The following INPP4B variants were observed in gnomAD, a reference collection of about 807,000 sequenced individuals.
INPP4B encodes the protein inositol polyphosphate 4-phosphatase type II.
In INPP4B, 55 loss-of-function variants were observed where a neutral mutation model predicts 122.5. That is an observed-to-expected ratio of 0.45 (90% confidence interval 0.36 to 0.56). INPP4B has a LOEUF of 0.56. Ranked by LOEUF, INPP4B falls within the 20% of genes least tolerant of loss-of-function variation. The pLI, the probability that INPP4B is intolerant of heterozygous loss-of-function variation, is 0.00. For synonymous variants in INPP4B, 403 were observed against 388.7 expected (o/e 1.04, Z -0.43); for missense variants, 1,000 against 1,097.7 (o/e 0.91, Z 1.26).
rs188644840 is a variant in INPP4B at position 142,362,158 on chromosome 4, T to A, written c.372+40780A>T. On this transcript the variant is annotated intron_variant, in intron 7 of 25. Transcript: ENST00000262992. ...GTCTAAGTTGACAATAAAACTCTCA[T>A]GAGGGTGCGTGGGTGGGAGCCAACT... Among the ~76,000 whole-genome samples, 4 of 152,128 alleles carry A rather than the reference T, an allele frequency of 2.6e-5. No homozygotes were observed. In the East Asian group the frequency reaches 5.8e-4, roughly 22 times the overall value.
At chr4:142,206,801 A>G (rs1047391364) in intron 14 of INPP4B, among the ~76,000 whole-genome samples, 22 of 152,072 alleles carry the variant, frequency 1.4e-4, no homozygotes, top group African/African-American at 5.1e-4. Flanking sequence ...GTGTATGTGT[A>G]TAAGAACACT....
At chr4:142,682,993 ATG>A (rs1027759123) in intron 2 of INPP4B, among the ~76,000 whole-genome samples, 213 of 151,984 alleles carry the variant, frequency 1.4e-3, no homozygotes, top group African/African-American at 5.0e-3. Context: ...TCTCAAAAAG[ATG>A]TGTCTCTTAG....
intron 2 of INPP4B, among the ~76,000 whole-genome samples, chr4:142,716,741 A>T (rs1763823225): frequency 1.3e-5 from 2 of 152,224 alleles, no homozygotes; most frequent in African/African-American, 4.8e-5. Flanking sequence ...TTTCATATGT[A>T]GGATGGATTT....
intron 2 of INPP4B, among the ~76,000 whole-genome samples, chr4:142,465,194 T>C (rs1350927111): frequency 3.3e-5 from 5 of 152,202 alleles, no homozygotes; most frequent in Admixed American, 2.0e-4. Context: ...CAAAAGTTTA[T>C]GATGCAGAAA....
chr4:142,803,495 A>C (rs1044811899), intron 1 of INPP4B, among the ~76,000 whole-genome samples: 28 of 150,936 alleles, frequency 1.9e-4, no homozygotes, highest in Admixed American at 9.9e-4. Context: ...CATTTTTTTC[A>C]TAAAAGAGGG....
intron 23 of INPP4B, among the ~76,000 whole-genome samples, chr4:142,106,258 G>A (rs529697179): frequency 3.8e-4 from 58 of 152,214 alleles, no homozygotes; most frequent in Middle Eastern, 3.4e-3. Flanking sequence ...TATTTAATTG[G>A]CAATATATAG....
In INPP4B at chr4:142,023,433, C is replaced by G; in HGVS notation, c.*5349G>C. Reference sequence around the variant, plus strand: ...TAAATAAAATTATAAAATATCCACACGAGAAGTATGTGTATACAAAGTATT... The same window carrying G: ...TAAATAAAATTATAAAATATCCACAGGAGAAGTATGTGTATACAAAGTATT... On this transcript the variant is annotated 3_prime_UTR_variant, in exon 26 of 26. Transcript: ENST00000262992. 6.6e-6 allele frequency: 1 copy of G among 152,100 alleles called. No homozygotes were observed. Among genetic ancestry groups the G allele is most frequent in the South Asian group, 2.1e-4 (1 of 4,818 alleles). The allele number at this position is 152,100 out of a possible 1,614,324, so 9.4% of individuals were successfully genotyped here.
intron 1 of INPP4B, among the ~76,000 whole-genome samples, chr4:142,832,355 C>T (rs776364559): frequency 6.6e-6 from 1 of 152,018 alleles, no homozygotes; most frequent in Non-Finnish European, 1.5e-5. Flanking sequence ...TTTCCAATTC[C>T]TGGGCAATTT....
rs889523941 is a variant in INPP4B, at chr4:142,026,890, G to A, written c.*1892C>T. 5 of 152,112 alleles carry A rather than the reference G, an allele frequency of 3.3e-5. No homozygotes were observed. The highest frequency in any genetic ancestry group is 1.2e-4 in the African/African-American group (5 of 41,446). The allele number at this position is 152,112 out of a possible 1,614,324, so 9.4% of individuals were successfully genotyped here. Reference sequence around the variant, plus strand: ...ATTTACAGAATGATAAATTACTTAAGGTTTCTTAGAACTCAGACTACCATT... The same window carrying A: ...ATTTACAGAATGATAAATTACTTAAAGTTTCTTAGAACTCAGACTACCATT... On this transcript the variant is annotated 3_prime_UTR_variant, in exon 26 of 26. Transcript: ENST00000262992.
intron 3 of INPP4B, among the ~76,000 whole-genome samples, chr4:142,444,253 T>C (rs115491753): frequency 6.6e-6 from 1 of 152,180 alleles, no homozygotes; most frequent in Non-Finnish European, 1.5e-5. Flanking sequence ...TTGTAGATTT[T>C]TGACAGTAGA....
intron 2 of INPP4B, among the ~76,000 whole-genome samples, chr4:142,707,191 C>T (rs184977786): frequency 6.6e-6 from 1 of 152,300 alleles, no homozygotes; most frequent in Non-Finnish European, 1.5e-5. Flanking sequence ...GATCCTAATT[C>T]ATATAGAAAC....
At chr4:142,561,951 T>A (rs1730564458) in intron 2 of INPP4B, among the ~76,000 whole-genome samples, 1 of 152,170 alleles carries the variant, frequency 6.6e-6, no homozygotes, top group South Asian at 2.1e-4. Context: ...TTGGCAGTAT[T>A]ATATCTAGAA....
intron 15 of INPP4B, among the ~76,000 whole-genome samples, chr4:142,190,998 C>T (rs1369329657): frequency 1.3e-5 from 2 of 151,398 alleles, no homozygotes; most frequent in Non-Finnish European, 2.9e-5. Flanking sequence ...GGGTTATACA[C>T]TTTAAAATTT....
chr4:142,534,643 T>C (rs550429266), intron 2 of INPP4B, among the ~76,000 whole-genome samples: 7 of 151,158 alleles, frequency 4.6e-5, no homozygotes, highest in African/African-American at 1.7e-4. Flanking sequence ...TAATTACTTA[T>C]GGTACAAATA....
intron 5 of INPP4B, among the ~76,000 whole-genome samples, chr4:142,420,083 G>C (rs1483108862): frequency 6.6e-6 from 1 of 151,778 alleles, no homozygotes; most frequent in East Asian, 1.9e-4. Context: ...GGGATATGTT[G>C]GTCATGGATG....
chr4:142,214,820 T>G (rs992728776), intron 12 of INPP4B, among the ~76,000 whole-genome samples: 3 of 152,172 alleles, frequency 2.0e-5, no homozygotes, highest in Non-Finnish European at 4.4e-5. Flanking sequence ...CCCAAAGTGC[T>G]GGGATTGCAG....
intron 3 of INPP4B, among the ~76,000 whole-genome samples, chr4:142,453,213 G>A (rs970706825): frequency 6.6e-6 from 1 of 152,146 alleles, no homozygotes; most frequent in East Asian, 1.9e-4. Context: ...CCTCAGCACT[G>A]TCAGACGTTT....
At chr4:142,073,119 T>C (rs76292350) in intron 25 of INPP4B, among the ~76,000 whole-genome samples, 3,701 of 152,194 alleles carry the variant, frequency 0.024, 60 homozygotes, top group Middle Eastern at 0.044. Flanking sequence ...ACATGTGATT[T>C]GTTACTAATA....
chr4:142,238,390 C>T (rs1185543355), intron 11 of INPP4B, among the ~76,000 whole-genome samples: 1 of 152,140 alleles, frequency 6.6e-6, no homozygotes, highest in African/African-American at 2.4e-5. Context: ...TACAAACATA[C>T]ATTAAAGCAT....
Sources: gnomAD v4.1 joint callset for allele counts (sites outside exome capture counted in the v4.1 genomes callset) on GRCh38, gnomAD v4.1.1 for gene constraint, MANE v1.5 for transcripts, NCBI Gene and HGNC (gene_info 2026-07-23, HGNC 2026-07-21) for gene names.